NXPE2: variants seen among roughly 807,000 people sequenced by gnomAD.
NXPE2 encodes the protein neurexophilin and PC-esterase domain family member 2, also known as NXPE family member 2.
NXPE2 carries 34 observed loss-of-function variants against 34.4 expected under a neutral mutation model. The ratio of observed to expected loss-of-function variants is 0.99; its 90% CI spans 0.75 to 1.31. NXPE2 has a LOEUF of 1.31. Among genes scored for constraint, NXPE2 ranks in the 40% most tolerant of loss-of-function variants. The probability of loss-of-function intolerance (pLI) is 0.00; values close to 1 mark genes in which losing one functional copy is unlikely to be tolerated. For synonymous variants in NXPE2, 235 were observed against 231.3 expected, an observed-to-expected ratio of 1.02 and a Z score of -0.15; for missense variants, 649 against 672.5, an observed-to-expected ratio of 0.97 and a Z score of 0.39.
At chr11:114,679,605 A>G (rs1425623186) in intron 1 of NXPE2, 52 bp from the exon 2 acceptor site, 1 of 1,134,670 alleles carries the variant, frequency 8.8e-7, no homozygotes, top group African/African-American at 1.5e-5. Context: ...GTACGGAGCC[A>G]TGTCGTACTT....
chr11:114,588,009 C>A, the NXPE2 span, among the ~76,000 whole-genome samples: 14 of 152,270 alleles, frequency 9.2e-5, no homozygotes, highest in African/African-American at 3.4e-4. Context: ...TAGGTACAGG[C>A]TTTCTTTGCC....
the NXPE2 span, among the ~76,000 whole-genome samples, chr11:114,805,845 T>C: frequency 1.3e-5 from 2 of 152,010 alleles, no homozygotes; most frequent in Non-Finnish European, 2.9e-5. Context: ...TTGAAGAGAG[T>C]AGTGGTTCTC....
At chr11:114,696,163 C>T (rs544428442) in intron 2 of NXPE2, among the ~76,000 whole-genome samples, 2 of 151,238 alleles carry the variant, frequency 1.3e-5, no homozygotes, top group African/African-American at 4.9e-5. Flanking sequence ...ATGGTAAAAC[C>T]CCACCTCTAT....
At chr11:114,704,159 TG>T in intron 4 of NXPE2, 107 bp downstream of exon 4, 1 of 789,416 alleles carries the variant, frequency 1.3e-6, no homozygotes. Context: ...TCTCATTTCC[TG>T]GGACAAATTA....
the NXPE2 span, among the ~76,000 whole-genome samples, chr11:114,713,087 G>A: frequency 6.6e-6 from 1 of 152,272 alleles, no homozygotes; most frequent in South Asian, 2.1e-4. Context: ...CAAAATCATA[G>A]ACACAGACAG....
chr11:114,469,575 C>T, the NXPE2 span, among the ~76,000 whole-genome samples: 529 of 151,836 alleles, frequency 3.5e-3, 3 homozygotes, highest in African/African-American at 0.01. Context: ...CTGCAACCTC[C>T]GCCTCCCGGG....
the NXPE2 span, among the ~76,000 whole-genome samples, chr11:114,635,444 A>G: frequency 7.8e-3 from 1,179 of 151,662 alleles, 7 homozygotes; most frequent in Non-Finnish European, 0.012. Flanking sequence ...TTCCTAATTG[A>G]ATACCCTTTA....
At chr11:114,667,149 C>T in the NXPE2 span, among the ~76,000 whole-genome samples, 2 of 152,200 alleles carry the variant, frequency 1.3e-5, no homozygotes, top group Non-Finnish European at 2.9e-5. Context: ...AAGATATTTA[C>T]GTGAAGATCC....
chr11:114,613,469 T>C, the NXPE2 span, among the ~76,000 whole-genome samples: 1 of 151,960 alleles, frequency 6.6e-6, no homozygotes, highest in African/African-American at 2.4e-5. Flanking sequence ...TGCTGCATAA[T>C]AAGTATTGCC....
At chr11:114,530,158 A>G in the NXPE2 span, 13 of 1,574,818 alleles carry the variant, frequency 8.3e-6, no homozygotes, top group Admixed American at 2.4e-4. Flanking sequence ...CTCAGTATAC[A>G]TGAAAAGTAT....
the NXPE2 span, among the ~76,000 whole-genome samples, chr11:114,763,827 T>G: frequency 6.6e-6 from 1 of 152,250 alleles, no homozygotes; most frequent in Non-Finnish European, 1.5e-5. Flanking sequence ...TGCATGGTAA[T>G]TAAACATTTT....
At chr11:114,503,804 T>C in the NXPE2 span, among the ~76,000 whole-genome samples, 1 of 152,288 alleles carries the variant, frequency 6.6e-6, no homozygotes, top group Admixed American at 6.5e-5. Context: ...CCATAGTGTA[T>C]CCAATACAAT....
At chr11:114,788,866 T>C in the NXPE2 span, among the ~76,000 whole-genome samples, 17 of 152,204 alleles carry the variant, frequency 1.1e-4, no homozygotes, top group Admixed American at 9.8e-4. Flanking sequence ...CCTTCGATTG[T>C]CATCTCCTTG....
At chr11:114,761,634 C>T in the NXPE2 span, among the ~76,000 whole-genome samples, 8 of 139,158 alleles carry the variant, frequency 5.7e-5, no homozygotes, top group Admixed American at 3.9e-4. Context: ...ACGGCAGTGG[C>T]GCAATCTCGG....
chr11:114,536,169 C>T, the NXPE2 span, among the ~76,000 whole-genome samples: 8 of 152,316 alleles, frequency 5.3e-5, no homozygotes, highest in Admixed American at 5.2e-4. Flanking sequence ...GAACAACCTG[C>T]TTCTGAATGA....
At chr11:114,718,050 G>T in the NXPE2 span, among the ~76,000 whole-genome samples, 1 of 152,172 alleles carries the variant, frequency 6.6e-6, no homozygotes, top group Non-Finnish European at 1.5e-5. Context: ...GGGCTCAATT[G>T]TGTAGTCTAT....
the NXPE2 span, among the ~76,000 whole-genome samples, chr11:114,624,956 C>A: frequency 6.6e-6 from 1 of 152,122 alleles, no homozygotes; most frequent in Non-Finnish European, 1.5e-5. Context: ...CGTGAGTAAC[C>A]ACTGTCACCT....
At chr11:114,787,039 T>C in the NXPE2 span, among the ~76,000 whole-genome samples, 47 of 152,208 alleles carry the variant, frequency 3.1e-4, no homozygotes, top group African/African-American at 9.2e-4. Flanking sequence ...CAGGCTAATG[T>C]CCTGCTGCCG....
At chr11:114,571,420 C>A in the NXPE2 span, 3 of 1,612,092 alleles carry the variant, frequency 1.9e-6, no homozygotes, top group South Asian at 3.3e-5. Context: ...TCCAAATCCA[C>A]AGCAAGCTGG....
Sources: gnomAD v4.1 joint callset for allele counts (sites outside exome capture counted in the v4.1 genomes callset) on GRCh38, gnomAD v4.1.1 for gene constraint, MANE v1.5 for transcripts, NCBI Gene and HGNC (gene_info 2026-07-23, HGNC 2026-07-21) for gene names.